ATRNL1: variants seen among roughly 807,000 people sequenced by gnomAD.
The protein encoded by ATRNL1 is attractin-like protein 1.
A neutral mutation model predicts 182.7 loss-of-function variants in ATRNL1; 95 were observed. The ratio of observed to expected loss-of-function variants is 0.52; its 90% CI spans 0.44 to 0.62. ATRNL1 has a LOEUF of 0.62. ATRNL1 is among the 20% of genes least tolerant of loss of function. The probability of loss-of-function intolerance (pLI) is 0.00; values close to 1 mark genes in which losing one functional copy is unlikely to be tolerated. For synonymous variants in ATRNL1, 576 were observed against 568.3 expected (o/e 1.01, Z -0.19); for missense variants, 1,471 against 1,679.5 (o/e 0.88, Z 2.17).
At chr10:115,171,544 A>G (rs74626226) in intron 8 of ATRNL1, among the ~76,000 whole-genome samples, 1,888 of 152,106 alleles carry the variant, frequency 0.012, 35 homozygotes, top group African/African-American at 0.042. Flanking sequence ...TGAATTTTTT[A>G]AAAAAATATG....
At chr10:115,388,893 G>A (rs939118901) in intron 19 of ATRNL1, among the ~76,000 whole-genome samples, 9 of 151,898 alleles carry the variant, frequency 5.9e-5, no homozygotes, top group Non-Finnish European at 1.0e-4. Flanking sequence ...TTTGATATAT[G>A]TTTTCATTTT....
Position 115,568,992 on chromosome 10 carries a change from A to G in ATRNL1, c.3795+19456A>G, listed in dbSNP as rs1854228440. ...TCTGTATTTCGTTAAACCTGAGTTC[A>G]GACAATTTGCACAACATTTTTGTGT... On this transcript the variant is annotated intron_variant, in intron 26 of 28. Transcript: ENST00000355044. Among the ~76,000 whole-genome samples, 3 of 152,050 alleles carry G rather than the reference A, an allele frequency of 2.0e-5. No individual in the cohort carries two copies. The South Asian group carries it at 6.2e-4, about 32-fold the overall frequency.
chr10:115,570,342 C>T (rs973704154), intron 26 of ATRNL1, among the ~76,000 whole-genome samples: 1 of 152,152 alleles, frequency 6.6e-6, no homozygotes, highest in Non-Finnish European at 1.5e-5. Context: ...CCAAAGACCC[C>T]ACCTCCCAAC....
chr10:115,215,233 G>C (rs1263828818), intron 8 of ATRNL1, among the ~76,000 whole-genome samples: 1 of 152,082 alleles, frequency 6.6e-6, no homozygotes, highest in Non-Finnish European at 1.5e-5. Context: ...AAAAAGGAAA[G>C]TGGGGCTTAT....
chr10:115,574,097 TCTTA>T (rs1330785597), intron 26 of ATRNL1, among the ~76,000 whole-genome samples: 54 of 152,142 alleles, frequency 3.5e-4, no homozygotes, highest in Admixed American at 2.2e-3. Flanking sequence ...ATTCTGTTTG[TCTTA>T]CTTACGATAA....
intron 26 of ATRNL1, among the ~76,000 whole-genome samples, chr10:115,713,202 C>T (rs1947116658): frequency 1.3e-5 from 2 of 152,130 alleles, no homozygotes; most frequent in Non-Finnish European, 2.9e-5. Context: ...TGTGTTCAAA[C>T]TAAACGATTG....
intron 19 of ATRNL1, among the ~76,000 whole-genome samples, chr10:115,356,405 A>G (rs988506219): frequency 1.3e-5 from 2 of 152,068 alleles, no homozygotes; most frequent in East Asian, 1.9e-4. Flanking sequence ...TGCACAGGAA[A>G]GCCAACTTGA....
At chr10:115,493,024 A>G (rs1304416489) in intron 24 of ATRNL1, among the ~76,000 whole-genome samples, 1 of 152,144 alleles carries the variant, frequency 6.6e-6, no homozygotes, top group East Asian at 1.9e-4. Context: ...ATCACTTTGT[A>G]CTCCATAAAT....
chr10:115,754,395 A>C (rs1948529675), intron 27 of ATRNL1, among the ~76,000 whole-genome samples: 1 of 152,172 alleles, frequency 6.6e-6, no homozygotes, highest in Non-Finnish European at 1.5e-5. Context: ...GCATATGGCC[A>C]GCCAGTTTTC....
intron 26 of ATRNL1, among the ~76,000 whole-genome samples, chr10:115,649,631 CTG>C (rs1555033764): frequency 1.3e-5 from 2 of 152,112 alleles, no homozygotes; most frequent in African/African-American, 2.4e-5. Flanking sequence ...GGGGAAATGA[CTG>C]TGCATTTTAT....
chr10:115,474,630 A>G (rs913761553), intron 24 of ATRNL1, among the ~76,000 whole-genome samples: 19 of 151,254 alleles, frequency 1.3e-4, no homozygotes, highest in African/African-American at 4.4e-4. Context: ...TGGTGGTGTT[A>G]GGACTCTTCA....
chr10:115,581,883 A>T (rs1157036100), intron 26 of ATRNL1, among the ~76,000 whole-genome samples: 1 of 132,162 alleles, frequency 7.6e-6, no homozygotes, highest in South Asian at 3.1e-4. Context: ...TCCCATTGCT[A>T]TCCCTCCCCC....
In ATRNL1 at chr10:115,230,915, G is replaced by GAGAA. The variant is rs1849915561; in HGVS notation, c.1533-10653_1533-10652insAAGA. Among the ~76,000 whole-genome samples, 3 of 137,536 alleles carry GAGAA rather than the reference G, an allele frequency of 2.2e-5. No homozygotes were observed. The Admixed American group carries it at 2.2e-4, about 10-fold the overall frequency. The allele number at this position is 137,536 out of a possible 152,430, so 90.2% of individuals were successfully genotyped here. ...AGAGAGAGAGAGAGAGAGAGAGAGA[G>GAGAA]AGAGAGAAAGAGAGAAATAGTGAAA... On this transcript the variant is annotated intron_variant, in intron 9 of 28. Coordinates refer to ENST00000355044, the MANE Select transcript of ATRNL1 (RefSeq NM_207303.4).
chr10:115,603,324 C>T (rs11197337), intron 26 of ATRNL1, among the ~76,000 whole-genome samples: 74,934 of 151,724 alleles, frequency 0.49, 19,417 homozygotes, highest in African/African-American at 0.6. Context: ...ATGCTAATAT[C>T]GCCTGGGAAA....
chr10:115,801,675 A>G (rs1490710901), intron 27 of ATRNL1, among the ~76,000 whole-genome samples: 1 of 152,150 alleles, frequency 6.6e-6, no homozygotes, highest in Non-Finnish European at 1.5e-5. Context: ...TTTACTTTTT[A>G]GCTGTCTTTG....
chr10:115,494,722 T>G (rs1460731428), intron 24 of ATRNL1, among the ~76,000 whole-genome samples: 1 of 152,242 alleles, frequency 6.6e-6, no homozygotes, highest in Non-Finnish European at 1.5e-5. Context: ...ATTTTTGATA[T>G]GCTGCTCAAT....
At chr10:115,414,235 C>T (rs1845281678) in intron 20 of ATRNL1, among the ~76,000 whole-genome samples, 1 of 152,052 alleles carries the variant, frequency 6.6e-6, no homozygotes, top group Admixed American at 6.6e-5. Flanking sequence ...AAGCTTCCCT[C>T]CTCCACCTTG....
intron 25 of ATRNL1, among the ~76,000 whole-genome samples, chr10:115,528,138 T>A (rs1395058874): frequency 2.0e-5 from 3 of 151,662 alleles, no homozygotes; most frequent in Non-Finnish European, 4.4e-5. Flanking sequence ...TGTAGTATGC[T>A]GGTCTCATAG....
intron 26 of ATRNL1, chr10:115,597,687 C>T (rs1555014551): frequency 4.5e-6 from 2 of 447,742 alleles, no homozygotes; most frequent in Non-Finnish European, 8.9e-6. Context: ...TTCTCCATTA[C>T]AGGCGCCCAC....
Sources: allele counts gnomAD v4.1 joint callset (sites outside exome capture counted in the v4.1 genomes callset), GRCh38; gene constraint gnomAD v4.1.1; transcripts MANE v1.5; gene names NCBI Gene and HGNC (gene_info 2026-07-23, HGNC 2026-07-21).